Variants in SEC24C observed in about 807,000 individuals in gnomAD.
The protein encoded by SEC24C is protein transport protein Sec24C.
SEC24C carries 22 observed loss-of-function variants against 117.0 expected under a neutral mutation model. The ratio of observed to expected loss-of-function variants is 0.19; its 90% CI spans 0.13 to 0.27. The LOEUF (loss-of-function observed/expected upper bound fraction) is 0.27, where lower values mean the gene tolerates loss of function less well. Among genes scored for constraint, SEC24C ranks in the 10% least tolerant of loss-of-function variants. The pLI, the probability that SEC24C is intolerant of heterozygous loss-of-function variation, is 1.00. For missense variants in SEC24C, 1,155 were observed against 1,375.1 expected, an observed-to-expected ratio of 0.84 and a Z score of 2.53; for synonymous variants, 506 against 529.4, an observed-to-expected ratio of 0.96 and a Z score of 0.61.
At chr10:73,755,974 C>G (rs534263525) in intron 3 of SEC24C, among the ~76,000 whole-genome samples, 1 of 151,978 alleles carries the variant, frequency 6.6e-6, no homozygotes, top group South Asian at 2.1e-4. Context: ...GCCTCAGCCT[C>G]CCAAGTAGCT....
intron 1 of SEC24C, among the ~76,000 whole-genome samples, chr10:73,746,387 C>T (rs192147421): frequency 1.5e-3 from 232 of 152,202 alleles, no homozygotes; most frequent in African/African-American, 5.1e-3. Context: ...AGAGGGTACT[C>T]GATGTTTGCT....
At chr10:73,749,777 C>T (rs2082618824) in intron 2 of SEC24C, among the ~76,000 whole-genome samples, 1 of 152,090 alleles carries the variant, frequency 6.6e-6, no homozygotes. Context: ...CTCCTGACTT[C>T]GTGATCCACC....
intron 9 of SEC24C, 84 bp from the exon 10 acceptor site, chr10:73,765,716 G>A (rs1390954305): frequency 8.4e-6 from 13 of 1,554,634 alleles, no homozygotes; most frequent in South Asian, 1.1e-5. Flanking sequence ...TGGGAATGAG[G>A]GATAGTGGTG....
intron 3 of SEC24C, among the ~76,000 whole-genome samples, chr10:73,753,472 C>G (rs1308255947): frequency 6.6e-6 from 1 of 152,168 alleles, no homozygotes; most frequent in Non-Finnish European, 1.5e-5. Flanking sequence ...ATTTTTGAGA[C>G]CAGCCTGTGC....
At chr10:73,760,602 A>G in intron 5 of SEC24C, 111 bp from the exon 6 acceptor site, 1 of 1,258,512 alleles carries the variant, frequency 7.9e-7, no homozygotes. Flanking sequence ...TTTGCCAGGC[A>G]TTAGTGTGCC....
chr10:73,762,506 C>T (rs542244341), intron 6 of SEC24C, among the ~76,000 whole-genome samples: 55 of 152,196 alleles, frequency 3.6e-4, no homozygotes, highest in African/African-American at 1.0e-3. Context: ...CAAAGTTGAA[C>T]GGTAGATCAT....
At position 73,746,713 on chromosome 10, in the gene SEC24C, T is replaced by C. The variant is rs557022900; in HGVS notation, c.-28-92T>C. ...GATTATTAAACTGATCACTGTCTGA[T>C]AAGGTCAATTTCTTTTTATCTCTAC... On this transcript the variant is annotated intron_variant, in intron 1 of 22. Coordinates refer to ENST00000345254, the MANE Select transcript of SEC24C (RefSeq NM_198597.3). 6.0e-5 allele frequency: 48 copies of C among 796,922 alleles called. No individual in the cohort carries two copies. In the African/African-American group the frequency reaches 6.3e-4, roughly 10 times the overall value. The allele number at this position is 796,922 out of a possible 1,614,324, so 49.4% of individuals were successfully genotyped here. A position where few individuals can be genotyped will look rare whatever the true frequency, so the allele number is the denominator to read the frequency against.
chr10:73,750,230 G>A (rs1418728424), intron 2 of SEC24C, among the ~76,000 whole-genome samples: 1 of 152,192 alleles, frequency 6.6e-6, no homozygotes, highest in Non-Finnish European at 1.5e-5. Flanking sequence ...TGGTTGGTGA[G>A]CAAGTTTAGG....
In SEC24C at chr10:73,745,592, A is replaced by G. The variant is rs193211709; in HGVS notation, c.-29+1155A>G. ...GAAAGGGCGTCTTGCTCTATTGCTC[A>G]GGCTGGAGTGCAGTGGCACGATCTC... On this transcript the variant is annotated intron_variant, in intron 1 of 22. Coordinates refer to ENST00000345254, the MANE Select transcript of SEC24C (RefSeq NM_198597.3). Among the ~76,000 whole-genome samples the G allele has an allele frequency of 9.0e-3, 1,366 of 151,828 alleles. 15 individuals are homozygous for G. The highest frequency in any genetic ancestry group is 0.016 in the Non-Finnish European group (1,075 of 67,962).
At chr10:73,760,644 T>C in intron 5 of SEC24C, 69 bp from the exon 6 acceptor site, 1 of 1,463,266 alleles carries the variant, frequency 6.8e-7, no homozygotes, top group Admixed American at 2.4e-5. Context: ...AGTCTAGTCA[T>C]TTTCCTGAGG....
chr10:73,744,647 C>G (rs893438345), intron 1 of SEC24C, among the ~76,000 whole-genome samples: 1 of 152,116 alleles, frequency 6.6e-6, no homozygotes, highest in African/African-American at 2.4e-5. Context: ...CTGCTTCCTG[C>G]CCCGAGCCTG....
Position 73,771,942 on chromosome 10 carries a change from T to C in SEC24C, c.*847T>C, listed in dbSNP as rs144190215. ...AGGCAGCTGGAGCGCCGTTCTCTCC[T>C]GCTGGGACACCGCTTGGGCTTTGGT... On this transcript the variant is annotated 3_prime_UTR_variant, in exon 23 of 23. Transcript: ENST00000345254. 3.6e-3 allele frequency: 658 copies of C among 184,052 alleles called. 6 individuals carry two copies. The highest frequency in any genetic ancestry group is 0.013 in the South Asian group (69 of 5,272). 11.4% of individuals were successfully genotyped at this position (184,052 alleles called of 1,614,324 possible).
Position 73,771,217 on chromosome 10 carries a change from G to A in SEC24C, c.*122G>A. 4 of 1,104,454 alleles carry A rather than the reference G, an allele frequency of 3.6e-6. No individual in the cohort carries two copies. Among genetic ancestry groups the A allele is most frequent in the South Asian group, 1.5e-5 (1 of 65,028 alleles). The allele number at this position is 1,104,454 out of a possible 1,614,324, so 68.4% of individuals were successfully genotyped here. A position where few individuals can be genotyped will look rare whatever the true frequency, so the allele number is the denominator to read the frequency against. ...ACCTCAGTCTCTCTGGGGGGAGGGG[G>A]AGATATAAGGAGACACCTTCTTTCT... On this transcript the variant is annotated 3_prime_UTR_variant, in exon 23 of 23. Transcript: ENST00000345254.
Position 73,766,465 on chromosome 10 carries a change from G to A in SEC24C, c.1723G>A (p.Asp575Asn), listed in dbSNP as rs2082885450. Residue 575 changes from aspartate to asparagine, a missense_variant, in exon 12 of 23, where the codon GAT becomes AAT. By Grantham distance (23) the Asp-to-Asn change is conservative. Transcript: ENST00000345254. ...CCAGCCACAGATGATGGTTGTGTCT[G>A]ATGTGGCTGACATGTTTGTGCCACT... ...LAQPQMMVVS[D>N]VADMFVPLLD... 6.2e-7 allele frequency: 1 copy of A among 1,614,106 alleles called. No individual in the cohort carries two copies. Among genetic ancestry groups the A allele is most frequent in the East Asian group, 2.2e-5 (1 of 44,888 alleles).
chr10:73,747,389 C>G lies in SEC24C; in HGVS notation c.172+385C>G, dbSNP rs138176391. Reference sequence around the variant, plus strand: ...TAATTTATTTTGAGATAGAGTCTCTCTCTGTCGCCCAGGCTGGAGTGCAGT... The same window carrying G: ...TAATTTATTTTGAGATAGAGTCTCTGTCTGTCGCCCAGGCTGGAGTGCAGT... On this transcript the variant is annotated intron_variant, in intron 2 of 22. Coordinates refer to ENST00000345254, the MANE Select transcript of SEC24C (RefSeq NM_198597.3). Among the ~76,000 whole-genome samples, 1,246 of 152,008 alleles carry G rather than the reference C, an allele frequency of 8.2e-3. 7 individuals are homozygous for G. Among genetic ancestry groups the G allele is most frequent in the Non-Finnish European group, 0.013 (884 of 67,998 alleles).
chr10:73,770,627 G>C, intron 21 of SEC24C, 82 bp from the exon 22 acceptor site: 1 of 1,527,826 alleles, frequency 6.5e-7, no homozygotes, highest in Non-Finnish European at 9.1e-7. Context: ...GCCTGTTTCA[G>C]ATGATGCATA....
At chr10:73,755,470 G>A (rs1034228815) in intron 3 of SEC24C, among the ~76,000 whole-genome samples, 1 of 152,098 alleles carries the variant, frequency 6.6e-6, no homozygotes, top group African/African-American at 2.4e-5. Flanking sequence ...AAGGTCAGGA[G>A]ATCGAGACCA....
intron 2 of SEC24C, among the ~76,000 whole-genome samples, chr10:73,747,446 AG>A (rs1443376040): frequency 6.6e-6 from 1 of 150,646 alleles, no homozygotes; most frequent in Non-Finnish European, 1.5e-5. Context: ...TCCACCTTCC[AG>A]GTTCAAGCAG....
In SEC24C at chr10:73,766,780, A is replaced by C. The variant is rs781194602; in HGVS notation, c.1820A>C (p.Glu607Ala). ...VITSLLDQIP[E>A]MFADTRETET... ...TTTAGCTTATTGGATCAGATTCCAG[A>C]AATGTTTGCAGACACAAGGGAAACA... The change falls in exon 13 of 23, where the codon GAA becomes GCA. Residue 607 changes from glutamate (E) to alanine (A), a missense_variant. By Grantham distance (107) the Glu-to-Ala change is moderately radical (BLOSUM62 -1). Coordinates refer to ENST00000345254, the MANE Select transcript of SEC24C (RefSeq NM_198597.3). The C allele has an allele frequency of 2.5e-6, 4 of 1,614,168 alleles. No homozygotes were observed. The highest frequency in any genetic ancestry group is 2.5e-6 in the Non-Finnish European group (3 of 1,180,008).
Sources: gnomAD v4.1 joint callset for allele counts (sites outside exome capture counted in the v4.1 genomes callset) on GRCh38, gnomAD v4.1.1 for gene constraint, MANE v1.5 for transcripts, NCBI Gene and HGNC (gene_info 2026-07-23, HGNC 2026-07-21) for gene names.